The following DPEP2 variants were observed in gnomAD, a reference collection of about 807,000 sequenced individuals.
DPEP2 encodes dipeptidase 2.
DPEP2 carries 45 observed loss-of-function variants against 51.8 expected under a neutral mutation model. The observed-to-expected ratio is 0.87, with a 90% CI of 0.68 to 1.11. DPEP2 has a LOEUF of 1.11. Among genes scored for constraint, DPEP2 ranks in the 50% most tolerant of loss-of-function variants. The pLI is 0.00. For synonymous variants in DPEP2, 255 were observed against 262.7 expected, an observed-to-expected ratio of 0.97 and a Z score of 0.28; for missense variants, 604 against 631.9, an observed-to-expected ratio of 0.96 and a Z score of 0.47.
In DPEP2 at chr16:67,991,625, G is replaced by A. The variant is rs552623884; in HGVS notation, c.662+213C>T. 4.2e-4 allele frequency: 281 copies of A among 662,440 alleles called. 5 individuals carry two copies. Among genetic ancestry groups the A allele is most frequent in the South Asian group, 2.6e-3 (117 of 44,518 alleles). The allele number at this position is 662,440 out of a possible 1,614,324, so 41.0% of individuals were successfully genotyped here. On this transcript the variant is annotated intron_variant, in intron 5 of 10. Coordinates refer to ENST00000393847, the MANE Select transcript of DPEP2 (RefSeq NM_022355.4). This position sits in a 1 kb window ranked among gnomAD's most constrained non-coding sequence, Gnocchi z 5.1. ...ACTCCTGGCCTTAAGTTATCTGTCC[G>A]CCTCAGCCTCCCAAAGTTTTGGGAT...
intron 1 of DPEP2, among the ~76,000 whole-genome samples, chr16:67,998,672 G>A (rs2032850155): frequency 6.6e-6 from 1 of 152,258 alleles, no homozygotes; most frequent in African/African-American, 2.4e-5. Context: ...GAAGCCAGTT[G>A]TGCTCCTGAG....
intron 1 of DPEP2, chr16:67,993,901 C>T (rs907857709): frequency 2.0e-5 from 20 of 985,534 alleles, no homozygotes; most frequent in Non-Finnish European, 2.4e-5. Context: ...TCTGGGGAAT[C>T]TCCCAGCTAC....
rs2032049433 is a variant in DPEP2, at chr16:67,990,877, C to A, written c.853G>T (p.Ala285Ser). ...CGAGCACTGTTGCACACACCCCGGG[C>A]AGCCGAGTGGGAGAAGATCACAGGT... Reference protein sequence around the residue: ...QAPVIFSHSAARGVCNSARNV... With the variant: ...QAPVIFSHSASRGVCNSARNV... Residue 285 changes from alanine to serine, a missense_variant, in exon 7 of 11, where the codon GCC (alanine) becomes TCC (serine). By Grantham distance (99) the Ala-to-Ser change is moderately conservative. Transcript: ENST00000393847. 10 of 1,614,204 alleles carry A rather than the reference C, an allele frequency of 6.2e-6. No homozygotes were observed. Among genetic ancestry groups the A allele is most frequent in the Non-Finnish European group, 8.5e-6 (10 of 1,180,042 alleles).
chr16:67,995,521 A>G (rs538741479), intron 1 of DPEP2, among the ~76,000 whole-genome samples: 13 of 152,298 alleles, frequency 8.5e-5, no homozygotes, highest in Admixed American at 8.5e-4. Flanking sequence ...CCACTGGAAT[A>G]GTGAGAGGGA....
chr16:67,990,795 G>C (rs375824091), intron 7 of DPEP2, 26 bp downstream of exon 7: 1 of 1,597,764 alleles, frequency 6.3e-7, no homozygotes, highest in Admixed American at 1.7e-5. Flanking sequence ...TCTTGCTTTA[G>C]GTTCCTGGGC....
intron 3 of DPEP2, 49 bp from the exon 4 acceptor site, chr16:67,992,242 C>T: frequency 6.3e-7 from 1 of 1,596,562 alleles, no homozygotes; most frequent in Non-Finnish European, 8.5e-7. Context: ...CTTTGGAGGA[C>T]CCTGGACTGC....
Position 67,991,734 on chromosome 16 carries a change from T to A in DPEP2, c.662+104A>T. 1 of 1,490,372 alleles carries A rather than the reference T, an allele frequency of 6.7e-7. No individual in the cohort carries two copies. The highest frequency in any genetic ancestry group is 2.0e-5 in the Admixed American group (1 of 48,874). The allele number at this position is 1,490,372 out of a possible 1,614,324, so 92.3% of individuals were successfully genotyped here. A position where few individuals can be genotyped will look rare whatever the true frequency, so the allele number is the denominator to read the frequency against. On this transcript the variant is annotated intron_variant, in intron 5 of 10. Coordinates refer to ENST00000393847, the MANE Select transcript of DPEP2 (RefSeq NM_022355.4). This position sits in a 1 kb window ranked among gnomAD's most constrained non-coding sequence, Gnocchi z 5.1. ...CCCAGCTCCCCTCCCCACTCCAGAG[T>A]CAGTGCCACATCCCATGGGTAAAGC... is the stretch of plus-strand genomic sequence containing the variant.
rs1448881732 is a variant in DPEP2 at position 67,991,025 on chromosome 16, T to A, written c.733-28A>T. 1.2e-6 allele frequency: 2 copies of A among 1,613,862 alleles called. No homozygotes were observed. The highest frequency in any genetic ancestry group is 1.7e-6 in the Non-Finnish European group (2 of 1,179,742). ...GCAGGGACATGTTGGGAGAAGGGTATCAGGGGTGCACATGTGTATACATTT... is the reference window on the plus strand; with the variant it reads ...GCAGGGACATGTTGGGAGAAGGGTAACAGGGGTGCACATGTGTATACATTT... On this transcript the variant is annotated intron_variant, in intron 6 of 10. Coordinates refer to ENST00000393847, the MANE Select transcript of DPEP2 (RefSeq NM_022355.4). This position sits in a 1 kb window ranked among gnomAD's most constrained non-coding sequence, Gnocchi z 5.1.
chr16:67,999,255 T>G (rs1240155031), intron 1 of DPEP2, 120 bp downstream of exon 1: 1 of 153,686 alleles, frequency 6.5e-6, no homozygotes, highest in African/African-American at 2.4e-5. Flanking sequence ...CCTTAAAAGC[T>G]GTAACACTCA....
chr16:67,993,477 C>A, intron 1 of DPEP2: 1 of 1,233,506 alleles, frequency 8.1e-7, no homozygotes, highest in Admixed American at 3.9e-5. Flanking sequence ...GATCCCTGTC[C>A]TGGGCGCCCA....
intron 7 of DPEP2, 37 bp from the exon 8 acceptor site, chr16:67,990,168 C>G: frequency 6.2e-7 from 1 of 1,601,442 alleles, no homozygotes; most frequent in Non-Finnish European, 8.6e-7. Context: ...AGCCTGGCCC[C>G]TCAGCAAACT....
Position 67,991,246 on chromosome 16 carries a change from G to T in DPEP2, c.663-62C>A. On this transcript the variant is annotated intron_variant, in intron 5 of 10. Transcript: ENST00000393847. This position sits in a 1 kb window ranked among gnomAD's most constrained non-coding sequence, Gnocchi z 5.1. ...GTTCCTCGGCCTCAAGAGTCTAGAG[G>T]CCCTACCCACCCTCCATCCCTGCAC... The T allele has an allele frequency of 1.3e-6, 2 of 1,554,194 alleles. No homozygotes were observed. Among genetic ancestry groups the T allele is most frequent in the East Asian group, 4.5e-5 (2 of 44,004 alleles).
At position 67,999,387 on chromosome 16, in the gene DPEP2, AACAC is replaced by A; in HGVS notation, c.-62_-59del. The A allele has an allele frequency of 1.6e-6, 1 of 634,228 alleles. No homozygotes were observed. The highest frequency in any genetic ancestry group is 2.0e-6 in the Non-Finnish European group (1 of 508,228). The allele number at this position is 634,228 out of a possible 1,614,324, so 39.3% of individuals were successfully genotyped here. A position where few individuals can be genotyped will look rare whatever the true frequency, so the allele number is the denominator to read the frequency against. ...CCAGACGCGCTACCTTAAGAGCTGT[AACAC>A]TCACTGCGAGGGTCTGCAGCTTCAT... On this transcript the variant is annotated 5_prime_UTR_variant, in exon 1 of 11. An upstream open reading frame in the 5' UTR loses its in-frame stop. Transcript: ENST00000393847.
At chr16:67,993,418 GC>G in intron 1 of DPEP2, 161 bp from the exon 2 acceptor site, 1 of 1,262,718 alleles carries the variant, frequency 7.9e-7, no homozygotes, top group Non-Finnish European at 1.0e-6. Flanking sequence ...ACCAGGGGGC[GC>G]CCAGCCCTCC....
chr16:67,990,488 G>C (rs2031990816), intron 7 of DPEP2, among the ~76,000 whole-genome samples: 1 of 152,096 alleles, frequency 6.6e-6, no homozygotes, highest in South Asian at 2.1e-4. Context: ...TTCCATGGCA[G>C]GGTCCTACTC....
chr16:67,992,277 C>A, intron 3 of DPEP2, 84 bp from the exon 4 acceptor site: 1 of 1,543,136 alleles, frequency 6.5e-7, no homozygotes, highest in South Asian at 1.2e-5. Context: ...GCTGACAGAG[C>A]ACCCAGTGGG....
At chr16:67,995,057 C>A (rs540992566) in intron 1 of DPEP2, 8 of 217,346 alleles carry the variant, frequency 3.7e-5, no homozygotes, top group Non-Finnish European at 6.3e-5. Context: ...TGCGCCACCA[C>A]GCCCGGCTAA....
At position 67,991,293 on chromosome 16, in the gene DPEP2, A is replaced by T; in HGVS notation, c.663-109T>A. On this transcript the variant is annotated intron_variant, in intron 5 of 10. Transcript: ENST00000393847. The surrounding 1 kb of genome is among the most constrained non-coding windows in gnomAD (Gnocchi z 5.1). ...GCACCCCCCTGAAACAAAAACAGGGATCCAAAATGGGCCCTGCAAATGGGC... is the reference window on the plus strand; with the variant it reads ...GCACCCCCCTGAAACAAAAACAGGGTTCCAAAATGGGCCCTGCAAATGGGC... 9.0e-7 allele frequency: 1 copy of T among 1,115,422 alleles called. No individual in the cohort carries two copies. The highest frequency in any genetic ancestry group is 1.3e-6 in the Non-Finnish European group (1 of 768,942). The allele number at this position is 1,115,422 out of a possible 1,614,324, so 69.1% of individuals were successfully genotyped here. A position where few individuals can be genotyped will look rare whatever the true frequency, so the allele number is the denominator to read the frequency against.
At chr16:67,995,003 C>A (rs1408925077) in intron 1 of DPEP2, 3 of 583,550 alleles carry the variant, frequency 5.1e-6, no homozygotes, top group South Asian at 7.5e-5. Context: ...TGGGTTCAAG[C>A]GATTCTTGTG....
Sources: gnomAD v4.1 joint callset for allele counts (sites outside exome capture counted in the v4.1 genomes callset) on GRCh38, gnomAD v4.1.1 for gene constraint, Gnocchi (gnomAD v3.1) non-coding constraint, MANE v1.5 for transcripts, NCBI Gene and HGNC (gene_info 2026-07-23, HGNC 2026-07-21) for gene names.